SRSF11: variants seen among roughly 807,000 people sequenced by gnomAD.
SRSF11 encodes serine/arginine-rich splicing factor 11.
A neutral mutation model predicts 56.0 loss-of-function variants in SRSF11; 9 were observed. The observed-to-expected ratio is 0.16, with a 90% CI of 0.10 to 0.28. The LOEUF (loss-of-function observed/expected upper bound fraction) is 0.28, where lower values mean the gene tolerates loss of function less well. Among genes scored for constraint, SRSF11 ranks in the 10% least tolerant of loss-of-function variants. The pLI, the probability that SRSF11 is intolerant of heterozygous loss-of-function variation, is 1.00. For missense variants in SRSF11, 421 were observed against 600.7 expected, an observed-to-expected ratio of 0.70 and a Z score of 3.13; for synonymous variants, 222 against 215.3, an observed-to-expected ratio of 1.03 and a Z score of -0.27.
intron 9 of SRSF11, chr1:70,249,004 G>A (rs921296178): frequency 6.6e-6 from 1 of 152,102 alleles, no homozygotes; most frequent in Non-Finnish European, 1.5e-5. Context: ...TTGGAAATTA[G>A]ACAACTAAGT....
chr1:70,235,318 G>A (rs1380829954), intron 4 of SRSF11, among the ~76,000 whole-genome samples, 183 bp from the exon 5 acceptor site: 1 of 151,738 alleles, frequency 6.6e-6, no homozygotes, highest in African/African-American at 2.4e-5. Flanking sequence ...GATGTCACCG[G>A]TTTTTGTTTT....
Position 70,251,813 on chromosome 1 carries a change from A to G in SRSF11, c.*1008A>G, listed in dbSNP as rs963235413. The stretch of plus-strand genomic sequence containing the variant: ...AAAACCAATAAATTTGTGTTACTGC[A>G]GTAGTAATCTTATGCACACGGTGAT... On this transcript the variant is annotated 3_prime_UTR_variant, in exon 12 of 12. Transcript: ENST00000370949. The G allele has an allele frequency of 1.2e-4, 18 of 152,560 alleles. No individual in the cohort carries two copies. Among genetic ancestry groups the G allele is most frequent in the Admixed American group, 1.3e-4 (2 of 15,264 alleles). The allele number at this position is 152,560 out of a possible 1,614,324, so 9.5% of individuals were successfully genotyped here. A position where few individuals can be genotyped will look rare whatever the true frequency, so the allele number is the denominator to read the frequency against.
intron 1 of SRSF11, among the ~76,000 whole-genome samples, chr1:70,210,963 A>G (rs148519481): frequency 5.8e-4 from 89 of 152,262 alleles, no homozygotes; most frequent in African/African-American, 2.1e-3. Context: ...TGGTAAACCA[A>G]TCCTGCTTAT....
At chr1:70,228,853 A>G (rs1232304099) in intron 2 of SRSF11, 3 of 1,071,050 alleles carry the variant, frequency 2.8e-6, no homozygotes, top group African/African-American at 1.7e-5. Flanking sequence ...TTTAATGTTA[A>G]GTTTTATGAA....
At chr1:70,232,428 C>A in intron 3 of SRSF11, 51 bp downstream of exon 3, 1 of 1,409,130 alleles carries the variant, frequency 7.1e-7, no homozygotes, top group Non-Finnish European at 9.8e-7. Context: ...CAGAATTGTG[C>A]ATAAAGCTAA....
At chr1:70,209,561 C>G (rs1056112555) in intron 1 of SRSF11, among the ~76,000 whole-genome samples, 2 of 151,932 alleles carry the variant, frequency 1.3e-5, no homozygotes, top group African/African-American at 4.8e-5. Context: ...TCAGGGCTAT[C>G]ATTGCCAACT....
intron 1 of SRSF11, among the ~76,000 whole-genome samples, chr1:70,214,917 G>A: frequency 2.5e-5 from 1 of 39,578 alleles, no homozygotes; most frequent in South Asian, 7.9e-4. Context: ...TTTTTTTTTT[G>A]AGACAGAGTC....
intron 1 of SRSF11, among the ~76,000 whole-genome samples, chr1:70,206,024 C>A (rs570663962): frequency 6.6e-6 from 1 of 152,240 alleles, no homozygotes; most frequent in East Asian, 1.9e-4. Flanking sequence ...AGACCTCTGG[C>A]GTACGGAGTA....
intron 1 of SRSF11, among the ~76,000 whole-genome samples, chr1:70,211,156 T>A (rs1571557383): frequency 1.3e-5 from 2 of 151,584 alleles, no homozygotes; most frequent in East Asian, 3.9e-4. Context: ...TTGTATTAAT[T>A]GTATGGATTT....
chr1:70,228,018 A>T (rs1270971881), intron 1 of SRSF11, among the ~76,000 whole-genome samples: 3 of 152,160 alleles, frequency 2.0e-5, no homozygotes, highest in African/African-American at 7.2e-5. Flanking sequence ...TTTGTCCCTG[A>T]TATAAAAATT....
At position 70,250,609 on chromosome 1, in the gene SRSF11, A is replaced by G; in HGVS notation, c.1259A>G (p.Gln420Arg). Residue 420 changes from glutamine to arginine, a missense_variant and splice_region_variant, in exon 12 of 12, where the codon CAG (glutamine) becomes CGG (arginine). By Grantham distance (43) the Gln-to-Arg change is conservative. Transcript: ENST00000370949. ...RKSESDKDVK[Q>R]VTRDYDEEEQ... ...CTTTTATTATTCTCCTTGGCAAAGC[A>G]GGTTACACGGGATTATGATGAAGAG... The G allele has an allele frequency of 6.2e-7, 1 of 1,612,872 alleles. No homozygotes were observed. Among genetic ancestry groups the G allele is most frequent in the Non-Finnish European group, 8.5e-7 (1 of 1,179,702 alleles).
intron 7 of SRSF11, among the ~76,000 whole-genome samples, chr1:70,242,872 G>T (rs1675806513): frequency 6.6e-6 from 1 of 150,932 alleles, no homozygotes; most frequent in East Asian, 1.9e-4. Flanking sequence ...TGTAGTAATT[G>T]CTCAAGAATA....
intron 1 of SRSF11, among the ~76,000 whole-genome samples, chr1:70,224,616 A>G (rs1671372186): frequency 6.6e-6 from 1 of 152,194 alleles, no homozygotes; most frequent in Non-Finnish European, 1.5e-5. Flanking sequence ...AGACATTTCA[A>G]TGACAACCTG....
chr1:70,234,053 T>C (rs1001124951), intron 3 of SRSF11, among the ~76,000 whole-genome samples: 1 of 152,182 alleles, frequency 6.6e-6, no homozygotes, highest in African/African-American at 2.4e-5. Flanking sequence ...GACTAGTAAA[T>C]AAGTTCTCTT....
chr1:70,249,354 T>C (rs1677470430), intron 9 of SRSF11: 3 of 152,346 alleles, frequency 2.0e-5, no homozygotes, highest in African/African-American at 7.2e-5. Flanking sequence ...AATAGTTTAC[T>C]TCACACGTCA....
intron 1 of SRSF11, among the ~76,000 whole-genome samples, chr1:70,207,231 G>A (rs1415338475): frequency 6.6e-6 from 1 of 152,058 alleles, no homozygotes; most frequent in African/African-American, 2.4e-5. Context: ...CTTTTGCAAC[G>A]TTATTAATGA....
chr1:70,236,355 G>A (rs1417182937), intron 5 of SRSF11, among the ~76,000 whole-genome samples: 4 of 125,974 alleles, frequency 3.2e-5, no homozygotes, highest in Admixed American at 9.1e-5. Context: ...TTTTTGAGAC[G>A]AGTCTCACTC....
Position 70,250,468 on chromosome 1 carries a change from C to T in SRSF11, c.1222C>T (p.Arg408Trp). The change falls in exon 11 of 12, where the codon CGG (arginine) becomes TGG (tryptophan). Residue 408 changes from arginine (R) to tryptophan (W), a missense_variant. Arg to Trp is a moderately radical substitution (Grantham distance 101). Around this residue, in one of 2 missense-constraint regions of SRSF11, gnomAD observed 253 missense variants for 305.8 expected, o/e 0.83. Coordinates refer to ENST00000370949, the MANE Select transcript of SRSF11 (RefSeq NM_001350605.2). ...GAAGAGTAAAGATAAGGAAAAGGAC[C>T]GGGAAAGAAAATCAGAGAGTGATAA... ...KKKSKDKEKDRERKSESDKDV... is the reference protein window; with the variant it reads ...KKKSKDKEKDWERKSESDKDV... 6.9e-6 allele frequency: 11 copies of T among 1,601,428 alleles called. No homozygotes were observed. The highest frequency in any genetic ancestry group is 9.4e-6 in the Non-Finnish European group (11 of 1,168,962).
upstream of SRSF11, among the ~76,000 whole-genome samples, chr1:70,219,212 G>A (rs1670289384): frequency 6.6e-6 from 1 of 152,084 alleles, no homozygotes; most frequent in Non-Finnish European, 1.5e-5. Flanking sequence ...TTTAGATAAG[G>A]GTTACTCAAG....
Sources: allele counts gnomAD v4.1 joint callset (sites outside exome capture counted in the v4.1 genomes callset), GRCh38; gene constraint gnomAD v4.1.1; regional missense constraint gnomAD v4.1.1; transcripts MANE v1.5; gene names NCBI Gene and HGNC (gene_info 2026-07-23, HGNC 2026-07-21).